Variants in FAM117A observed in about 807,000 individuals in gnomAD.
FAM117A encodes family with sequence similarity 117 member A.
Under a neutral mutation model 44.1 loss-of-function variants are expected in FAM117A, and 21 were observed. That is an observed-to-expected ratio of 0.48 (90% CI 0.34 to 0.69). The LOEUF (loss-of-function observed/expected upper bound fraction) is 0.69, where lower values mean the gene tolerates loss of function less well. Among genes scored for constraint, FAM117A ranks in the 30% least tolerant of loss-of-function variants. FAM117A has a pLI of 0.01. For synonymous variants in FAM117A, 220 were observed against 238.3 expected, an observed-to-expected ratio of 0.92 and a Z score of 0.71; for missense variants, 498 against 589.9, an observed-to-expected ratio of 0.84 and a Z score of 1.61.
chr17:49,750,442 A>G (rs890391866), intron 1 of FAM117A, among the ~76,000 whole-genome samples: 1 of 148,954 alleles, frequency 6.7e-6, no homozygotes. Flanking sequence ...TTTGCCAACA[A>G]TGCAAACAGC....
chr17:49,734,727 C>T (rs1285361481), intron 1 of FAM117A, among the ~76,000 whole-genome samples: 2 of 152,082 alleles, frequency 1.3e-5, no homozygotes, highest in African/African-American at 2.4e-5. Flanking sequence ...AACAAAGAAC[C>T]GAAAGCAGGG....
chr17:49,742,530 A>C (rs192303080), intron 1 of FAM117A, among the ~76,000 whole-genome samples: 66 of 152,328 alleles, frequency 4.3e-4, no homozygotes, highest in African/African-American at 1.6e-3. Context: ...TCTGAAGAGG[A>C]GTTCTGCAGG....
intron 3 of FAM117A, 21 bp from the exon 4 acceptor site, chr17:49,720,457 C>CG: frequency 6.2e-7 from 1 of 1,604,078 alleles, no homozygotes; most frequent in Non-Finnish European, 8.5e-7. Context: ...AGAGAGAAGA[C>CG]GACAGAGGCA....
rs529842464 is a variant in FAM117A at position 49,748,139 on chromosome 17, A to G, written c.197-15419T>C. Among the ~76,000 whole-genome samples, 5 of 152,330 alleles carry G rather than the reference A, an allele frequency of 3.3e-5. No individual in the cohort carries two copies. In the South Asian group the frequency reaches 8.3e-4, roughly 25 times the overall value. On this transcript the variant is annotated intron_variant, in intron 1 of 7. Coordinates refer to ENST00000240364, the MANE Select transcript of FAM117A (RefSeq NM_030802.4). ...TCTTCCCCTGTATATGATGGGCTTT[A>G]GATCTGTTCTGAAATCAGGGATGCT...
chr17:49,720,235 C>T (rs1033014440), intron 4 of FAM117A, 91 bp downstream of exon 4: 8 of 999,954 alleles, frequency 8.0e-6, no homozygotes, highest in South Asian at 1.4e-5. Flanking sequence ...GTAGGGGGCT[C>T]GGCAGTTCCA....
intron 1 of FAM117A, among the ~76,000 whole-genome samples, chr17:49,775,147 C>T (rs1379301932): frequency 1.3e-5 from 2 of 152,124 alleles, no homozygotes; most frequent in African/African-American, 4.8e-5. Context: ...GCCACCATGC[C>T]CGGCTAATTT....
At chr17:49,722,452 C>T (rs762639064) in intron 3 of FAM117A, 47 bp downstream of exon 3, 7 of 1,498,094 alleles carry the variant, frequency 4.7e-6, no homozygotes, top group Admixed American at 1.8e-5. Context: ...ACTAGGGGAT[C>T]GAGAAGAAGC....
At chr17:49,778,095 T>C (rs1258953690) in intron 1 of FAM117A, among the ~76,000 whole-genome samples, 1 of 152,260 alleles carries the variant, frequency 6.6e-6, no homozygotes, top group Non-Finnish European at 1.5e-5. Context: ...CTAATGTCCC[T>C]GAAACAGTCC....
chr17:49,784,462 C>T (rs1434997858), intron 1 of FAM117A, among the ~76,000 whole-genome samples: 2 of 152,196 alleles, frequency 1.3e-5, no homozygotes, highest in African/African-American at 4.8e-5. Context: ...TTGCCTACCA[C>T]TTCCAGTTCA....
intron 1 of FAM117A, among the ~76,000 whole-genome samples, chr17:49,785,030 AGAATGTTATAGCCATGATT>A (rs1322977168): frequency 3.3e-5 from 5 of 152,282 alleles, no homozygotes; most frequent in African/African-American, 1.2e-4. Context: ...CACTAACATT[AGAATGTTATAGCCATGATT>A]AGAGTGACTG....
intron 1 of FAM117A, among the ~76,000 whole-genome samples, chr17:49,786,785 A>G (rs1268249961): frequency 6.6e-6 from 1 of 151,652 alleles, no homozygotes; most frequent in Non-Finnish European, 1.5e-5. Context: ...TCAGAAAAAA[A>G]AAAAAAAAAA....
chr17:49,777,637 C>T (rs1032276432), intron 1 of FAM117A, among the ~76,000 whole-genome samples: 4 of 151,882 alleles, frequency 2.6e-5, no homozygotes, highest in African/African-American at 9.7e-5. Flanking sequence ...CCAAGAAAAA[C>T]TATTTGAAAT....
At chr17:49,781,151 A>G (rs976325206) in intron 1 of FAM117A, among the ~76,000 whole-genome samples, 5 of 152,228 alleles carry the variant, frequency 3.3e-5, no homozygotes, top group South Asian at 2.1e-4. Flanking sequence ...ACACTGACCC[A>G]TAACTGAATG....
At chr17:49,715,108 G>A (rs1180691252) in intron 7 of FAM117A, among the ~76,000 whole-genome samples, 1 of 152,178 alleles carries the variant, frequency 6.6e-6, no homozygotes, top group Non-Finnish European at 1.5e-5. Flanking sequence ...TGTGGATTGA[G>A]GGAGGGTACA....
chr17:49,768,299 C>T (rs552703923), upstream of FAM117A, among the ~76,000 whole-genome samples: 110 of 152,286 alleles, frequency 7.2e-4, no homozygotes, highest in Non-Finnish European at 8.8e-4. Context: ...ACATCCAGGG[C>T]ACCTTGAATT....
At chr17:49,764,551 A>G (rs958858011), upstream of FAM117A, among the ~76,000 whole-genome samples, 4 of 152,192 alleles carry the variant, frequency 2.6e-5, no homozygotes, top group Admixed American at 2.6e-4. Flanking sequence ...TGGGGGCGGG[A>G]GTAGGGAGCA....
intron 2 of FAM117A, among the ~76,000 whole-genome samples, chr17:49,727,192 G>T: frequency 6.6e-6 from 1 of 151,936 alleles, no homozygotes. Context: ...GATCACTTGA[G>T]GTCAGGAGTT....
chr17:49,770,140 C>T (rs553239292), intron 1 of FAM117A, among the ~76,000 whole-genome samples: 5 of 151,778 alleles, frequency 3.3e-5, no homozygotes, highest in African/African-American at 1.2e-4. Flanking sequence ...TGTGGTGGTA[C>T]GTGCCTATAA....
At chr17:49,762,186 A>G (rs1472745955) in intron 1 of FAM117A, among the ~76,000 whole-genome samples, 1 of 152,244 alleles carries the variant, frequency 6.6e-6, no homozygotes, top group Non-Finnish European at 1.5e-5. Flanking sequence ...AACTGATCTT[A>G]AAATGATTGC....
Sources: gnomAD v4.1 joint callset for allele counts (sites outside exome capture counted in the v4.1 genomes callset) on GRCh38, gnomAD v4.1.1 for gene constraint, MANE v1.5 for transcripts, NCBI Gene and HGNC (gene_info 2026-07-23, HGNC 2026-07-21) for gene names.